ITPR2: variants seen among roughly 807,000 people sequenced by gnomAD.
ITPR2 encodes inositol 1,4,5-trisphosphate-gated calcium channel ITPR2.
Under a neutral mutation model 317.1 loss-of-function variants are expected in ITPR2, and 207 were observed. That is an observed-to-expected ratio of 0.65 (90% confidence interval 0.58 to 0.73). The LOEUF is 0.73. ITPR2 is among the 30% of genes least tolerant of loss of function. ITPR2 has a pLI of 0.00. For synonymous variants in ITPR2, 1,156 were observed against 1,149.1 expected (o/e 1.01, Z -0.12); for missense variants, 2,613 against 3,284.0 (o/e 0.80, Z 4.99).
chr12:26,625,668 A>G (rs910604544), intron 23 of ITPR2, among the ~76,000 whole-genome samples: 2 of 152,218 alleles, frequency 1.3e-5, no homozygotes, highest in African/African-American at 2.4e-5. Flanking sequence ...GTGTGTGTGT[A>G]TATATAGATC....
At chr12:26,451,508 G>A (rs1941741958) in intron 45 of ITPR2, among the ~76,000 whole-genome samples, 1 of 151,804 alleles carries the variant, frequency 6.6e-6, no homozygotes, top group Non-Finnish European at 1.5e-5. Flanking sequence ...TTCACCCAAG[G>A]AGTTCTAAAA....
At chr12:26,821,590 CT>C (rs1452473146) in intron 1 of ITPR2, among the ~76,000 whole-genome samples, 2 of 152,196 alleles carry the variant, frequency 1.3e-5, no homozygotes, top group African/African-American at 4.8e-5. Context: ...AAATTTCCTT[CT>C]TTCCGTAAGC....
At chr12:26,525,254 G>A (rs1249378554) in intron 37 of ITPR2, among the ~76,000 whole-genome samples, 3 of 152,186 alleles carry the variant, frequency 2.0e-5, no homozygotes, top group Non-Finnish European at 4.4e-5. Context: ...TGTTGCTAAA[G>A]CTTCCCAAAG....
At chr12:26,582,053 A>T (rs1945417444) in intron 32 of ITPR2, among the ~76,000 whole-genome samples, 1 of 151,974 alleles carries the variant, frequency 6.6e-6, no homozygotes, top group African/African-American at 2.4e-5. Flanking sequence ...ATCCAGGGTT[A>T]TGAAAAGTCT....
At chr12:26,647,162 C>T (rs575046508) in intron 21 of ITPR2, among the ~76,000 whole-genome samples, 5 of 152,288 alleles carry the variant, frequency 3.3e-5, no homozygotes, top group South Asian at 2.1e-4. Context: ...ACCCCAGTCC[C>T]GTTCAAACAG....
chr12:26,607,406 T>A (rs951644202), intron 26 of ITPR2, among the ~76,000 whole-genome samples: 2 of 152,232 alleles, frequency 1.3e-5, no homozygotes, highest in African/African-American at 2.4e-5. Flanking sequence ...AAATATTGCC[T>A]CTTTCAGATA....
chr12:26,342,104 G>A (rs1370012559), intron 55 of ITPR2, among the ~76,000 whole-genome samples: 3 of 152,196 alleles, frequency 2.0e-5, no homozygotes, highest in Non-Finnish European at 1.5e-5. Context: ...CACAGCCCAA[G>A]TGGATGTGCA....
chr12:26,727,092 T>A (rs1451400004), intron 2 of ITPR2, among the ~76,000 whole-genome samples: 6 of 152,204 alleles, frequency 3.9e-5, no homozygotes, highest in African/African-American at 1.4e-4. Flanking sequence ...GATACAGGAA[T>A]CAACACCTAG....
intron 2 of ITPR2, among the ~76,000 whole-genome samples, chr12:26,741,934 T>A (rs1035195604): frequency 1.3e-5 from 2 of 151,814 alleles, no homozygotes; most frequent in Admixed American, 6.6e-5. Flanking sequence ...AAGGAGAGGG[T>A]TCCTAAAAGA....
chr12:26,804,622 A>G (rs1029137096), intron 1 of ITPR2, among the ~76,000 whole-genome samples: 1 of 152,162 alleles, frequency 6.6e-6, no homozygotes, highest in African/African-American at 2.4e-5. Flanking sequence ...TAGGCTGGAT[A>G]TTTTTTCCAA....
intron 34 of ITPR2, among the ~76,000 whole-genome samples, chr12:26,570,052 A>G (rs548188908): frequency 6.6e-5 from 10 of 152,338 alleles, no homozygotes; most frequent in East Asian, 3.9e-4. Flanking sequence ...ATACTCACCC[A>G]TTTATTTGTA....
At chr12:26,688,842 G>A (rs1032084648) in intron 10 of ITPR2, among the ~76,000 whole-genome samples, 2 of 152,158 alleles carry the variant, frequency 1.3e-5, no homozygotes, top group East Asian at 3.9e-4. Context: ...CATGAAGGAT[G>A]AGGAAGCCTA....
chr12:26,801,934 C>T (rs1047293953), intron 1 of ITPR2, among the ~76,000 whole-genome samples: 1 of 151,136 alleles, frequency 6.6e-6, no homozygotes, highest in Non-Finnish European at 1.5e-5. Context: ...AAAAATCCAG[C>T]CATAGGCTAT....
chr12:26,420,024 C>T (rs1940840829), intron 49 of ITPR2, among the ~76,000 whole-genome samples: 1 of 152,124 alleles, frequency 6.6e-6, no homozygotes, highest in Non-Finnish European at 1.5e-5. Context: ...TGACTATGTA[C>T]AGTATTTATA....
chr12:26,426,088 T>C (rs1474769296), intron 49 of ITPR2, among the ~76,000 whole-genome samples: 2 of 152,230 alleles, frequency 1.3e-5, no homozygotes, highest in Non-Finnish European at 2.9e-5. Flanking sequence ...ATTTCCTTTA[T>C]CGTCTTGGTA....
chr12:26,378,742 A>T (rs1487882779), intron 55 of ITPR2, among the ~76,000 whole-genome samples: 3 of 152,224 alleles, frequency 2.0e-5, no homozygotes, highest in Non-Finnish European at 4.4e-5. Flanking sequence ...ATTAAATTGA[A>T]ACATCCTGCA....
intron 26 of ITPR2, among the ~76,000 whole-genome samples, chr12:26,609,231 A>G (rs1223849180): frequency 6.6e-6 from 1 of 152,226 alleles, no homozygotes; most frequent in African/African-American, 2.4e-5. Flanking sequence ...ATCAATCACT[A>G]TTATTTCCTC....
intron 55 of ITPR2, among the ~76,000 whole-genome samples, chr12:26,348,427 G>A (rs1938373961): frequency 6.6e-6 from 1 of 152,178 alleles, no homozygotes; most frequent in South Asian, 2.1e-4. Context: ...CCAACATGGT[G>A]GCCTTGAGGG....
intron 55 of ITPR2, among the ~76,000 whole-genome samples, chr12:26,375,342 T>C (rs921490040): frequency 3.3e-5 from 5 of 152,192 alleles, no homozygotes; most frequent in African/African-American, 1.2e-4. Flanking sequence ...TGGGTTATCA[T>C]TTCAAAAAAG....
Sources: allele counts gnomAD v4.1 joint callset (sites outside exome capture counted in the v4.1 genomes callset), GRCh38; gene constraint gnomAD v4.1.1; transcripts MANE v1.5; gene names NCBI Gene and HGNC (gene_info 2026-07-23, HGNC 2026-07-21).